The following PTGR1 variants were observed in gnomAD, a reference collection of about 807,000 sequenced individuals.
PTGR1 encodes prostaglandin reductase 1.
Under a neutral mutation model 37.7 loss-of-function variants are expected in PTGR1, and 23 were observed. The ratio of observed to expected loss-of-function variants is 0.61; its 90% CI spans 0.44 to 0.86. The LOEUF is 0.86. Ranked by LOEUF, PTGR1 falls within the 40% of genes least tolerant of loss-of-function variation. The pLI is 0.00. For missense variants in PTGR1, 351 were observed against 394.3 expected, an observed-to-expected ratio of 0.89 and a Z score of 0.93; for synonymous variants, 134 against 140.0, an observed-to-expected ratio of 0.96 and a Z score of 0.30.
intron 4 of PTGR1, among the ~76,000 whole-genome samples, chr9:111,591,430 G>A (rs968487962): frequency 5.6e-5 from 8 of 141,904 alleles, no homozygotes; most frequent in African/African-American, 2.1e-4. Context: ...GGAGGGCAGT[G>A]GTGCAATCGG....
At chr9:111,571,500 C>A (rs1279862206) in intron 8 of PTGR1, among the ~76,000 whole-genome samples, 1 of 149,368 alleles carries the variant, frequency 6.7e-6, no homozygotes, top group Non-Finnish European at 1.5e-5. Flanking sequence ...TAATTTGAGA[C>A]AGGGTCTGGC....
chr9:111,559,629 AACACACACACACATACAGCAC>A (rs1483048401), downstream of PTGR1, among the ~76,000 whole-genome samples: 1 of 147,054 alleles, frequency 6.8e-6, no homozygotes, highest in African/African-American at 2.7e-5. Flanking sequence ...ATACATATAT[AACACACACACACATACAGCAC>A]ACACACACAC....
chr9:111,561,183 G>GAA (rs1174906012), downstream of PTGR1, among the ~76,000 whole-genome samples: 123 of 130,748 alleles, frequency 9.4e-4, 1 homozygote, highest in African/African-American at 3.4e-3. Context: ...GAGAGAAAGA[G>GAA]AGAGAGATTC....
chr9:111,557,125 C>T (rs372947163), intron 9 of PTGR1, among the ~76,000 whole-genome samples: 5 of 152,180 alleles, frequency 3.3e-5, no homozygotes, highest in African/African-American at 7.2e-5. Flanking sequence ...GCAGCATTTC[C>T]GCAGCCTTCT....
intron 9 of PTGR1, among the ~76,000 whole-genome samples, chr9:111,553,288 A>G (rs1328418963): frequency 6.6e-6 from 1 of 152,178 alleles, no homozygotes; most frequent in African/African-American, 2.4e-5. Flanking sequence ...AGTCTTCTTG[A>G]CTATGCCAGT....
chr9:111,579,495 C>A (rs76848340), intron 6 of PTGR1, among the ~76,000 whole-genome samples: 11,619 of 152,134 alleles, frequency 0.076, 583 homozygotes, highest in Middle Eastern at 0.17. Flanking sequence ...CTCTTAAGCT[C>A]GTGATCCTCC....
chr9:111,560,114 G>C (rs936762616), downstream of PTGR1, among the ~76,000 whole-genome samples: 1 of 151,550 alleles, frequency 6.6e-6, no homozygotes, highest in African/African-American at 2.4e-5. Context: ...GGGAGGCCTA[G>C]GTGGGTGGAT....
At chr9:111,563,451 G>A (rs561131261) in intron 9 of PTGR1, 17 of 424,692 alleles carry the variant, frequency 4.0e-5, no homozygotes, top group African/African-American at 3.4e-4. Context: ...GAAATAATAG[G>A]TGTCGGATCA....
In PTGR1 at chr9:111,597,301, T is replaced by G. The variant is rs757319494; in HGVS notation, c.106+16A>C. 6.4e-7 allele frequency: 1 copy of G among 1,568,404 alleles called. No individual in the cohort carries two copies. The highest frequency in any genetic ancestry group is 1.7e-4 in the Middle Eastern group (1 of 5,854). On this transcript the variant is annotated intron_variant, in intron 2 of 9. Coordinates refer to ENST00000407693, the MANE Select transcript of PTGR1 (RefSeq NM_001146108.2). The stretch of plus-strand genomic sequence containing the variant: ...ACAGTCCCTTCCAACTCTGAAATAT[T>G]TTTAGTATGACTTACCTCCATTTTT...
chr9:111,558,690 T>TTA (rs146026726), downstream of PTGR1, among the ~76,000 whole-genome samples: 10 of 152,134 alleles, frequency 6.6e-5, no homozygotes, highest in East Asian at 5.8e-4. Context: ...GTGGGCAGAG[T>TTA]TATATATATA....
At chr9:111,577,162 T>C (rs1829095644) in intron 7 of PTGR1, 1 of 152,090 alleles carries the variant, frequency 6.6e-6, no homozygotes, top group Admixed American at 6.5e-5. Flanking sequence ...AACAGATATT[T>C]CTCCAAAGAA....
intron 8 of PTGR1, chr9:111,574,249 T>C (rs944594193): frequency 6.6e-6 from 1 of 152,258 alleles, no homozygotes; most frequent in East Asian, 1.9e-4. Context: ...GTTTCTTTTA[T>C]ATTTGTAGAT....
At chr9:111,579,329 A>G (rs2132396233) in intron 6 of PTGR1, among the ~76,000 whole-genome samples, 1 of 152,140 alleles carries the variant, frequency 6.6e-6, no homozygotes, top group East Asian at 1.9e-4. Context: ...ATTTTGTCTC[A>G]GCTCTGTGAC....
chr9:111,597,264 A>G, intron 2 of PTGR1, 53 bp downstream of exon 2: 1 of 1,361,834 alleles, frequency 7.3e-7, no homozygotes, highest in Non-Finnish European at 1.0e-6. Flanking sequence ...TATGCAGCAA[A>G]AGCTAACTGA....
rs77948010 is a variant in PTGR1 at position 111,594,830 on chromosome 9, G to A, written c.107-563C>T. Among the ~76,000 whole-genome samples, 125 of 147,032 alleles carry A rather than the reference G, an allele frequency of 8.5e-4. 1 individual carries two copies. In the East Asian group the frequency reaches 0.019, roughly 23 times the overall value. Reference sequence around the variant, plus strand: ...ATCCTAAAGTGCTGGGATTACAAGCGTGAGCCACTGCGACCGGCCTCTTTT... The same window carrying A: ...ATCCTAAAGTGCTGGGATTACAAGCATGAGCCACTGCGACCGGCCTCTTTT... On this transcript the variant is annotated intron_variant, in intron 2 of 9. Transcript: ENST00000407693.
intron 4 of PTGR1, chr9:111,592,380 T>G (rs1256987225): frequency 6.5e-6 from 1 of 153,090 alleles, no homozygotes; most frequent in African/African-American, 2.4e-5. Flanking sequence ...TGCATACAGA[T>G]GTATGTTAAA....
intron 3 of PTGR1, 84 bp downstream of exon 3, chr9:111,594,138 T>G: frequency 7.5e-7 from 1 of 1,327,734 alleles, no homozygotes; most frequent in Non-Finnish European, 1.1e-6. Context: ...ATGTTTTAAG[T>G]CAGTTGGATA....
At chr9:111,551,875 C>G (rs1449361268) in intron 9 of PTGR1, among the ~76,000 whole-genome samples, 2 of 152,142 alleles carry the variant, frequency 1.3e-5, no homozygotes, top group Non-Finnish European at 2.9e-5. Context: ...GGAAACAAAA[C>G]AGTTTATCAA....
Position 111,573,687 on chromosome 9 carries a change from G to A in PTGR1, c.760+1047C>T, listed in dbSNP as rs550424137. ...CTTAGAAGACTGGTCTTTGTTTTGAGTCTGTTGCCAATAGGAGTTAAAGAG... is the reference window on the plus strand; with the variant it reads ...CTTAGAAGACTGGTCTTTGTTTTGAATCTGTTGCCAATAGGAGTTAAAGAG... On this transcript the variant is annotated intron_variant, in intron 8 of 9. Coordinates refer to ENST00000407693, the MANE Select transcript of PTGR1 (RefSeq NM_001146108.2). Among the ~76,000 whole-genome samples, 48 of 152,260 alleles carry A rather than the reference G, an allele frequency of 3.2e-4. 2 individuals are homozygous for A. The Middle Eastern group carries it at 0.017, about 54-fold the overall frequency.
Sources: allele counts gnomAD v4.1 joint callset (sites outside exome capture counted in the v4.1 genomes callset), GRCh38; gene constraint gnomAD v4.1.1; transcripts MANE v1.5; gene names NCBI Gene and HGNC (gene_info 2026-07-23, HGNC 2026-07-21).